Variants in SERINC5 observed in about 807,000 individuals in gnomAD.
The protein encoded by SERINC5 is serine incorporator 5, also known as chromosome 5 open reading frame 12.
In SERINC5, 41 loss-of-function variants were observed where a neutral mutation model predicts 63.1. The ratio of observed to expected loss-of-function variants is 0.65; its 90% CI spans 0.51 to 0.84. The LOEUF is 0.84. SERINC5 is among the 40% of genes least tolerant of loss of function. SERINC5 has a pLI of 0.00. For missense variants in SERINC5, 523 were observed against 573.0 expected (o/e 0.91, Z 0.89); for synonymous variants, 222 against 215.2 (o/e 1.03, Z -0.28).
intron 11 of SERINC5, among the ~76,000 whole-genome samples, chr5:80,145,422 G>A (rs1371392681): frequency 1.3e-5 from 2 of 150,988 alleles, no homozygotes; most frequent in Admixed American, 1.3e-4. Context: ...TTATCTGTGT[G>A]GGGGAAGTAG....
chr5:80,169,613 C>T (rs1394252317), intron 5 of SERINC5, 67 bp from the exon 6 acceptor site: 33 of 1,279,936 alleles, frequency 2.6e-5, no homozygotes, highest in Admixed American at 4.0e-5. Context: ...CACCATTCTG[C>T]GGTAACAGTC....
downstream of SERINC5, among the ~76,000 whole-genome samples, chr5:80,133,922 A>C (rs1262838323): frequency 6.6e-6 from 1 of 152,220 alleles, no homozygotes; most frequent in African/African-American, 2.4e-5. Flanking sequence ...GTGCTGAGTC[A>C]GTTCCTGGGT....
intron 2 of SERINC5, among the ~76,000 whole-genome samples, chr5:80,188,112 G>A (rs951663297): frequency 2.1e-4 from 32 of 151,854 alleles, no homozygotes; most frequent in African/African-American, 3.4e-4. Flanking sequence ...GTGAAACCCC[G>A]TCTCTGCTAA....
intron 11 of SERINC5, among the ~76,000 whole-genome samples, chr5:80,119,528 C>T (rs73125904): frequency 0.066 from 10,032 of 152,274 alleles, 1,072 homozygotes; most frequent in African/African-American, 0.23. Context: ...ACTGCACTCA[C>T]TGCACTGTTG....
chr5:80,163,603 A>G (rs2080880136), intron 7 of SERINC5, among the ~76,000 whole-genome samples: 2 of 138,164 alleles, frequency 1.4e-5, no homozygotes, highest in South Asian at 4.6e-4. Context: ...TTCTGCATCT[A>G]TTGAAATGAT....
At chr5:80,127,793 A>G (rs1374331055) in intron 11 of SERINC5, among the ~76,000 whole-genome samples, 1 of 152,130 alleles carries the variant, frequency 6.6e-6, no homozygotes, top group Non-Finnish European at 1.5e-5. Context: ...CCAAATATTT[A>G]TCAAACTTTC....
chr5:80,162,898 G>A (rs1747036621), intron 7 of SERINC5, among the ~76,000 whole-genome samples: 1 of 151,684 alleles, frequency 6.6e-6, no homozygotes, highest in African/African-American at 2.4e-5. Flanking sequence ...GGGTGCAGGG[G>A]TGCTGTAGTG....
intron 1 of SERINC5, among the ~76,000 whole-genome samples, chr5:80,244,995 T>C (rs1386929011): frequency 6.6e-6 from 1 of 152,144 alleles, no homozygotes; most frequent in Admixed American, 6.6e-5. Context: ...ATCTTCGATC[T>C]TCCTCTCTCA....
chr5:80,211,479 A>G (rs965905760), intron 1 of SERINC5, among the ~76,000 whole-genome samples: 1 of 152,268 alleles, frequency 6.6e-6, no homozygotes, highest in South Asian at 2.1e-4. Flanking sequence ...CTATAACCAC[A>G]TGAACTCCTG....
chr5:80,175,069 A>T, intron 4 of SERINC5, 22 bp from the exon 5 acceptor site: 1 of 1,514,118 alleles, frequency 6.6e-7, no homozygotes, highest in South Asian at 1.2e-5. Context: ...CATGAAGAAC[A>T]CAATGAGGCA....
intron 2 of SERINC5, among the ~76,000 whole-genome samples, chr5:80,193,319 C>T (rs78613756): frequency 0.017 from 2,526 of 152,282 alleles, 36 homozygotes; most frequent in Non-Finnish European, 0.024. Flanking sequence ...TCTGTTCTCT[C>T]CAGCCCCATG....
downstream of SERINC5, among the ~76,000 whole-genome samples, chr5:80,137,833 C>T (rs998326893): frequency 2.6e-5 from 4 of 151,368 alleles, no homozygotes; most frequent in East Asian, 1.9e-4. Flanking sequence ...CCCAGCTGCT[C>T]GGGAGGCTGA....
chr5:80,153,083 T>C (rs1000244614), intron 8 of SERINC5, among the ~76,000 whole-genome samples: 5 of 152,176 alleles, frequency 3.3e-5, no homozygotes, highest in African/African-American at 1.2e-4. Flanking sequence ...AAGCTTTTGA[T>C]TTTACTTTTA....
At chr5:80,233,070 A>C (rs1444198437) in intron 1 of SERINC5, among the ~76,000 whole-genome samples, 3 of 152,188 alleles carry the variant, frequency 2.0e-5, no homozygotes, top group African/African-American at 7.2e-5. Flanking sequence ...AAAACCACTG[A>C]ATTGCACACT....
At chr5:80,208,752 A>T (rs1220925161) in intron 1 of SERINC5, among the ~76,000 whole-genome samples, 2 of 152,214 alleles carry the variant, frequency 1.3e-5, no homozygotes, top group Non-Finnish European at 2.9e-5. Context: ...TTCCAAAAAG[A>T]CACAGAGATT....
chr5:80,112,844 G>C (rs1744173379), intron 12 of SERINC5, among the ~76,000 whole-genome samples: 1 of 152,144 alleles, frequency 6.6e-6, no homozygotes. Context: ...CACACCTGTA[G>C]TCACAGGTGC....
intron 11 of SERINC5, among the ~76,000 whole-genome samples, chr5:80,122,193 A>C (rs2112235951): frequency 7.3e-6 from 1 of 136,876 alleles, no homozygotes; most frequent in South Asian, 2.4e-4. Flanking sequence ...GGACAGAACT[A>C]ATAGTATATA....
At chr5:80,218,145 G>C (rs1284503810) in intron 1 of SERINC5, among the ~76,000 whole-genome samples, 1 of 152,224 alleles carries the variant, frequency 6.6e-6, no homozygotes, top group Non-Finnish European at 1.5e-5. Flanking sequence ...GAAGAAGGCA[G>C]TTTCAAGTGT....
Position 80,255,993 on chromosome 5 carries a change from C to G in SERINC5, c.-71G>C. Reference sequence around the variant, plus strand: ...CACGGGCCCTCCTGGCTGCCTCGCGCCTCGAGCGCTGGGCTCAGCCGCAGC... The same window carrying G: ...CACGGGCCCTCCTGGCTGCCTCGCGGCTCGAGCGCTGGGCTCAGCCGCAGC... On this transcript the variant is annotated 5_prime_UTR_variant, in exon 1 of 12. Coordinates refer to ENST00000507668, the MANE Select transcript of SERINC5 (RefSeq NM_001174072.3). 2 of 1,413,688 alleles carry G rather than the reference C, an allele frequency of 1.4e-6. No individual in the cohort carries two copies. Among genetic ancestry groups the G allele is most frequent in the Non-Finnish European group, 1.9e-6 (2 of 1,079,214 alleles). 87.6% of individuals were successfully genotyped at this position (1,413,688 alleles called of 1,614,324 possible). A position where few individuals can be genotyped will look rare whatever the true frequency, so the allele number is the denominator to read the frequency against.
Sources: allele counts gnomAD v4.1 joint callset (sites outside exome capture counted in the v4.1 genomes callset), GRCh38; gene constraint gnomAD v4.1.1; transcripts MANE v1.5; gene names NCBI Gene and HGNC (gene_info 2026-07-23, HGNC 2026-07-21).